Variants in ASH1L observed in about 807,000 individuals in gnomAD.
ASH1L encodes the protein ASH1 like histone lysine methyltransferase.
Under a neutral mutation model 269.0 loss-of-function variants are expected in ASH1L, and 23 were observed. The ratio of observed to expected loss-of-function variants is 0.09; its 90% CI spans 0.06 to 0.12. ASH1L has a LOEUF of 0.12. Among genes scored for constraint, ASH1L ranks in the 10% least tolerant of loss-of-function variants. The probability of loss-of-function intolerance (pLI) is 1.00; values close to 1 mark genes in which losing one functional copy is unlikely to be tolerated. For missense variants in ASH1L, 2,912 were observed against 3,567.8 expected (o/e 0.82, Z 4.68); for synonymous variants, 1,187 against 1,253.5 (o/e 0.95, Z 1.12).
chr1:155,484,928 C>CAAAAAAAAAAAAA, intron 2 of ASH1L, among the ~76,000 whole-genome samples: 1 of 82,792 alleles, frequency 1.2e-5, no homozygotes, highest in East Asian at 4.6e-4. Flanking sequence ...TGCTCTGTCT[C>CAAAAAAAAAAAAA]AAAAAAAAAA....
In ASH1L at chr1:155,481,080, T is replaced by G; in HGVS notation, c.1790A>C (p.Glu597Ala). The change falls in exon 3 of 28, where the codon GAA becomes GCA. Residue 597 changes from glutamate to alanine, a missense_variant. Around this residue, in one of 13 missense-constraint regions of ASH1L, gnomAD observed 715 missense variants for 721.0 expected, o/e 0.99. Transcript: ENST00000392403. ...STTELIEEIS[E>A]SVGKNQFTSE... Reference sequence around the variant, plus strand: ...AGTAAACTGGTTCTTTCCAACAGATTCAGAAATTTCTTCGATTAGTTCTGT... The same window carrying G: ...AGTAAACTGGTTCTTTCCAACAGATGCAGAAATTTCTTCGATTAGTTCTGT... 1 of 1,614,106 alleles carries G rather than the reference T, an allele frequency of 6.2e-7. No individual in the cohort carries two copies.
At chr1:155,491,478 G>C (rs987916813) in intron 2 of ASH1L, among the ~76,000 whole-genome samples, 1 of 152,076 alleles carries the variant, frequency 6.6e-6, no homozygotes, top group Non-Finnish European at 1.5e-5. Context: ...ACCATATAGT[G>C]AAATTACTAT....
intron 1 of ASH1L, among the ~76,000 whole-genome samples, chr1:155,544,678 A>T (rs1429041183): frequency 6.6e-6 from 1 of 152,180 alleles, no homozygotes; most frequent in African/African-American, 2.4e-5. Context: ...ATATCTGTAG[A>T]CTAAGACATT....
At chr1:155,412,115 G>A (rs1287231545) in intron 6 of ASH1L, among the ~76,000 whole-genome samples, 1 of 151,936 alleles carries the variant, frequency 6.6e-6, no homozygotes, top group Non-Finnish European at 1.5e-5. Context: ...GGCGGTGTGT[G>A]CCTGTAGTCC....
intron 2 of ASH1L, among the ~76,000 whole-genome samples, chr1:155,488,502 C>CA (rs368511587): frequency 0.06 from 2,485 of 41,292 alleles, 77 homozygotes; most frequent in African/African-American, 0.13. Flanking sequence ...ACTAAAAATA[C>CA]AAAAAAAAAA....
chr1:155,544,948 G>A (rs1017127124), intron 1 of ASH1L, among the ~76,000 whole-genome samples: 3 of 151,288 alleles, frequency 2.0e-5, no homozygotes, highest in South Asian at 2.1e-4. Context: ...TGAGGCGGGC[G>A]GATCACCTGA....
rs550094834 is a variant in ASH1L, at chr1:155,387,121, G to C, written c.6104-7005C>G. Among the ~76,000 whole-genome samples, 15 of 152,054 alleles carry C rather than the reference G, an allele frequency of 9.9e-5. No individual in the cohort carries two copies. The East Asian group carries it at 2.9e-3, about 29-fold the overall frequency. On this transcript the variant is annotated intron_variant, in intron 7 of 27. Transcript: ENST00000392403. ...CTCAAGTAGCTGGGATTATAGGCATGTGCCACCACACCCAGCTAATTTTTG... is the reference window on the plus strand; with the variant it reads ...CTCAAGTAGCTGGGATTATAGGCATCTGCCACCACACCCAGCTAATTTTTG...
chr1:155,556,998 G>A (rs934898203), intron 1 of ASH1L, among the ~76,000 whole-genome samples: 8 of 152,056 alleles, frequency 5.3e-5, no homozygotes, highest in South Asian at 2.1e-4. Context: ...CTCGTACCAC[G>A]GCACCCTAGC....
At chr1:155,406,529 C>G (rs1047254928) in intron 6 of ASH1L, among the ~76,000 whole-genome samples, 5 of 152,016 alleles carry the variant, frequency 3.3e-5, no homozygotes, top group African/African-American at 1.2e-4. Flanking sequence ...CATAATGAGG[C>G]CTTGTCTTTA....
At chr1:155,371,895 T>C (rs1303452340) in intron 10 of ASH1L, among the ~76,000 whole-genome samples, 2 of 152,088 alleles carry the variant, frequency 1.3e-5, no homozygotes, top group African/African-American at 2.4e-5. Flanking sequence ...GGTTTTACCA[T>C]GTTGGCCAGG....
chr1:155,461,224 G>T (rs954933502), intron 3 of ASH1L, among the ~76,000 whole-genome samples: 1 of 152,198 alleles, frequency 6.6e-6, no homozygotes, highest in African/African-American at 2.4e-5. Context: ...ATGGAGCTAA[G>T]TTGCTGTTTC....
rs1652412706 is a variant in ASH1L at position 155,337,539 on chromosome 1, A to T, written c.*121T>A. On this transcript the variant is annotated 3_prime_UTR_variant, in exon 28 of 28. Transcript: ENST00000392403. The stretch of plus-strand genomic sequence containing the variant: ...TTATTAAGTACCTAATGTCAACAAC[A>T]TGGCCCCATTCCCCTTGCCCAGATG... 1.3e-6 allele frequency: 1 copy of T among 766,928 alleles called. No individual in the cohort carries two copies. The highest frequency in any genetic ancestry group is 2.5e-5 in the East Asian group (1 of 40,282). The allele number at this position is 766,928 out of a possible 1,614,324, so 47.5% of individuals were successfully genotyped here.
chr1:155,520,588 C>T (rs1029136947), intron 2 of ASH1L, among the ~76,000 whole-genome samples: 3 of 151,628 alleles, frequency 2.0e-5, no homozygotes, highest in Non-Finnish European at 1.5e-5. Context: ...ATAGGCCAGG[C>T]GTGGTGGCTC....
rs112530764 is a variant in ASH1L at position 155,478,670 on chromosome 1, G to A, written c.4200C>T (p.Tyr1400=). 3,170 of 1,614,008 alleles carry A rather than the reference G, an allele frequency of 2.0e-3. 65 individuals are homozygous for A. The African/African-American group carries it at 0.038, about 19-fold the overall frequency. ...PLTAAPIGLG[Y]YGRYPPTLYP... is the part of the protein sequence containing the mutation. ...AAAGAGTGGGAGGATACCTTCCATAGTAACCTAATCCTATGGGAGCAGCTG... is the reference window on the plus strand; with the variant it reads ...AAAGAGTGGGAGGATACCTTCCATAATAACCTAATCCTATGGGAGCAGCTG... Residue 1400 remains tyrosine (Y), a synonymous_variant, in exon 3 of 28, where the codon TAC becomes TAT. Coordinates refer to ENST00000392403, the MANE Select transcript of ASH1L (RefSeq NM_018489.3). The surrounding 1 kb of genome is among the most constrained non-coding windows in gnomAD (Gnocchi z 4.6).
Position 155,452,163 on chromosome 1 carries a change from C to T in ASH1L, c.5086+7634G>A, listed in dbSNP as rs996792056. On this transcript the variant is annotated intron_variant, in intron 4 of 27. Transcript: ENST00000392403. Reference sequence around the variant, plus strand: ...AAGCGATTCTCGTGCCTCAGCCTCCCGAGTAGCTGGGATTACAGGCGCCCG... The same window carrying T: ...AAGCGATTCTCGTGCCTCAGCCTCCTGAGTAGCTGGGATTACAGGCGCCCG... 5.9e-5 allele frequency among the ~76,000 whole-genome samples: 9 copies of T among 151,590 alleles called. No homozygotes were observed. In the South Asian group the frequency reaches 1.0e-3, roughly 18 times the overall value.
chr1:155,348,226 A>G (rs1653539410), intron 19 of ASH1L, among the ~76,000 whole-genome samples: 1 of 152,200 alleles, frequency 6.6e-6, no homozygotes, highest in Non-Finnish European at 1.5e-5. Flanking sequence ...GTACTGTAGA[A>G]GTTCAACATA....
At position 155,479,889 on chromosome 1, in the gene ASH1L, C is replaced by A. The variant is rs1029784140; in HGVS notation, c.2981G>T (p.Arg994Ile). Reference sequence around the variant, plus strand: ...AAGAATCTGATTCAACAGTTTCTTTCTCTTTAAAGTCTTCATTTTATTTAT... The same window carrying A: ...AAGAATCTGATTCAACAGTTTCTTTATCTTTAAAGTCTTCATTTTATTTAT... ...RKINKMKTLK[R>I]KKLLNQILSS... The change falls in exon 3 of 28, where the codon AGA becomes ATA. Residue 994 changes from arginine to isoleucine, a missense_variant. Physicochemically the swap from Arg to Ile is moderately conservative, Grantham distance 97 (BLOSUM62 -3). Coordinates refer to ENST00000392403, the MANE Select transcript of ASH1L (RefSeq NM_018489.3). The A allele has an allele frequency of 6.2e-7, 1 of 1,612,958 alleles. No homozygotes were observed. The highest frequency in any genetic ancestry group is 8.5e-7 in the Non-Finnish European group (1 of 1,179,618).
At chr1:155,434,114 T>C in intron 5 of ASH1L, 1 of 1,595,270 alleles carries the variant, frequency 6.3e-7, no homozygotes. Context: ...ACCAGTATCC[T>C]TTCCTCTGGC....
At chr1:155,526,300 A>G (rs1669249678) in intron 1 of ASH1L, among the ~76,000 whole-genome samples, 1 of 152,214 alleles carries the variant, frequency 6.6e-6, no homozygotes, top group South Asian at 2.1e-4. Context: ...TTCCTGTTTT[A>G]CATAACTTTA....
Sources: gnomAD v4.1 joint callset for allele counts (sites outside exome capture counted in the v4.1 genomes callset) on GRCh38, gnomAD v4.1.1 for gene constraint, gnomAD v4.1.1 regional missense constraint, Gnocchi (gnomAD v3.1) non-coding constraint, MANE v1.5 for transcripts, NCBI Gene and HGNC (gene_info 2026-07-23, HGNC 2026-07-21) for gene names.